CNGB3: variants seen among roughly 807,000 people sequenced by gnomAD.
The protein encoded by CNGB3 is cyclic nucleotide gated channel subunit beta 3, also known as cyclic nucleotide-gated channel beta-3.
A neutral mutation model predicts 92.8 loss-of-function variants in CNGB3; 86 were observed. The ratio of observed to expected loss-of-function variants is 0.93; its 90% CI spans 0.78 to 1.11. The LOEUF is 1.11. Among genes scored for constraint, CNGB3 ranks in the 50% least tolerant of loss-of-function variants. The pLI is 0.00. For synonymous variants in CNGB3, 333 were observed against 332.7 expected, an observed-to-expected ratio of 1.00 and a Z score of -0.01; for missense variants, 1,026 against 956.8, an observed-to-expected ratio of 1.07 and a Z score of -0.95.
At chr8:86,590,368 T>G (rs1822000991) in intron 15 of CNGB3, among the ~76,000 whole-genome samples, 1 of 152,142 alleles carries the variant, frequency 6.6e-6, no homozygotes, top group Admixed American at 6.5e-5. Context: ...ATGTGTGAAT[T>G]TGATCCTGTC....
intron 13 of CNGB3, among the ~76,000 whole-genome samples, chr8:86,619,728 C>CTTTTTTTTTTTTTTTTTTTTTTTTTTT: frequency 1.4e-5 from 1 of 73,408 alleles, no homozygotes; most frequent in Non-Finnish European, 2.4e-5. Flanking sequence ...TGGTCTTGAC[C>CTTTTTTTTTTTTTTTTTTTTTTTTTTT]TTTTTTTTTT....
At chr8:86,648,199 C>T (rs563240386) in intron 7 of CNGB3, among the ~76,000 whole-genome samples, 13 of 151,216 alleles carry the variant, frequency 8.6e-5, no homozygotes, top group South Asian at 6.2e-4. Context: ...TGTTAAAATA[C>T]GTTTTAACAG....
At chr8:86,657,806 G>A (rs772158624) in intron 6 of CNGB3, 1 of 503,206 alleles carries the variant, frequency 2.0e-6, no homozygotes, top group Non-Finnish European at 4.0e-6. Context: ...GGCTGCTGAT[G>A]TATTCCTTCT....
chr8:86,623,967 G>A (rs549203630), intron 13 of CNGB3, among the ~76,000 whole-genome samples: 1 of 152,246 alleles, frequency 6.6e-6, no homozygotes, highest in South Asian at 2.1e-4. Flanking sequence ...CTCTTCCACA[G>A]ATGGTTGTGA....
chr8:86,737,270 G>C (rs939731242), intron 2 of CNGB3, among the ~76,000 whole-genome samples: 2 of 152,218 alleles, frequency 1.3e-5, no homozygotes, highest in African/African-American at 4.8e-5. Flanking sequence ...AGTAGGTAGA[G>C]AGTAGATTGT....
chr8:86,693,239 T>C (rs76226105), intron 3 of CNGB3, among the ~76,000 whole-genome samples: 7,625 of 152,082 alleles, frequency 0.05, 661 homozygotes, highest in African/African-American at 0.17. Context: ...ATTTCCTGGG[T>C]GTTCTTCTAG....
intron 2 of CNGB3, among the ~76,000 whole-genome samples, chr8:86,729,802 C>G (rs1352433274): frequency 6.6e-6 from 1 of 152,248 alleles, no homozygotes; most frequent in Non-Finnish European, 1.5e-5. Flanking sequence ...AAATCTTGCT[C>G]TGGCATCTGG....
chr8:86,658,247 C>T (rs747352829), intron 6 of CNGB3: 68 of 548,736 alleles, frequency 1.2e-4, no homozygotes, highest in Non-Finnish European at 1.9e-4. Flanking sequence ...CCTGCTCCTC[C>T]TCGGCACTGG....
intron 6 of CNGB3, among the ~76,000 whole-genome samples, chr8:86,663,474 A>G (rs1563745947): frequency 6.6e-6 from 1 of 152,228 alleles, no homozygotes; most frequent in Non-Finnish European, 1.5e-5. Flanking sequence ...TTTCTATTGT[A>G]GCTGTTAGCA....
intron 3 of CNGB3, among the ~76,000 whole-genome samples, chr8:86,694,070 G>C (rs1472930944): frequency 1.5e-3 from 3 of 2,002 alleles, no homozygotes; most frequent in Non-Finnish European, 2.6e-3. Flanking sequence ...CTGGCCGGGC[G>C]GGGGGGCTGA....
At chr8:86,698,818 A>G (rs1824497724) in intron 3 of CNGB3, among the ~76,000 whole-genome samples, 1 of 152,182 alleles carries the variant, frequency 6.6e-6, no homozygotes, top group Non-Finnish European at 1.5e-5. Flanking sequence ...AAGGGCCTCT[A>G]AGAGCCAGCA....
intron 11 of CNGB3, among the ~76,000 whole-genome samples, chr8:86,630,538 T>C (rs1449447898): frequency 1.3e-5 from 2 of 152,050 alleles, no homozygotes; most frequent in African/African-American, 4.8e-5. Context: ...TCAGTTTCTG[T>C]GAGTTGCATC....
intron 13 of CNGB3, among the ~76,000 whole-genome samples, chr8:86,619,347 G>A (rs1187655443): frequency 1.3e-5 from 2 of 152,166 alleles, no homozygotes; most frequent in Non-Finnish European, 2.9e-5. Context: ...CCATCTCATA[G>A]AAATGAATCG....
In CNGB3 at chr8:86,576,189, G is replaced by C. The variant is rs1821659166; in HGVS notation, c.2104-59C>G. The C allele has an allele frequency of 1.1e-5, 18 of 1,569,546 alleles. No individual in the cohort carries two copies. The East Asian group carries it at 3.8e-4, about 33-fold the overall frequency. Reference sequence around the variant, plus strand: ...AATCGTAATTAAAAACATTGGATTAGATTTTGATTAGCATGCAATGGCTAA... The same window carrying C: ...AATCGTAATTAAAAACATTGGATTACATTTTGATTAGCATGCAATGGCTAA... On this transcript the variant is annotated intron_variant, in intron 17 of 17. Transcript: ENST00000320005.
intron 3 of CNGB3, among the ~76,000 whole-genome samples, chr8:86,688,259 T>C (rs1824226776): frequency 2.6e-5 from 4 of 152,028 alleles, no homozygotes; most frequent in Admixed American, 1.3e-4. Flanking sequence ...ATTTTGTACA[T>C]TGATCCTTAA....
chr8:86,653,549 C>A (rs1287912609), intron 7 of CNGB3, among the ~76,000 whole-genome samples: 1 of 152,140 alleles, frequency 6.6e-6, no homozygotes, highest in East Asian at 1.9e-4. Flanking sequence ...TAATTATGGG[C>A]AATAAAACGT....
chr8:86,629,437 C>A (rs1393200279), intron 11 of CNGB3, among the ~76,000 whole-genome samples: 2 of 152,130 alleles, frequency 1.3e-5, no homozygotes, highest in South Asian at 2.1e-4. Flanking sequence ...TATTTTACTG[C>A]AGAAATGTTA....
At chr8:86,642,145 A>G (rs1823200888) in intron 10 of CNGB3, among the ~76,000 whole-genome samples, 1 of 151,844 alleles carries the variant, frequency 6.6e-6, no homozygotes, top group Admixed American at 6.6e-5. Context: ...GAAACTCCAC[A>G]GAGAGGCGTC....
At position 86,647,831 on chromosome 8, in the gene CNGB3, A is replaced by T. The variant is rs528278561; in HGVS notation, c.960T>A (p.Asn320Lys). 1 of 1,589,488 alleles carries T rather than the reference A, an allele frequency of 6.3e-7. No homozygotes were observed. The highest frequency in any genetic ancestry group is 1.3e-5 in the African/African-American group (1 of 74,346). Residue 320 changes from asparagine to lysine, a missense_variant, in exon 8 of 18, where the codon AAT (asparagine) becomes AAA (lysine). Transcript: ENST00000320005. Reference sequence around the variant, plus strand: ...ACATCCTATTTGCTCTAAACATTGGATTAAACCCAAAGAAGAGGTAGCAAA... The same window carrying T: ...ACATCCTATTTGCTCTAAACATTGGTTTAAACCCAAAGAAGAGGTAGCAAA... ...FDICYLFFGF[N>K]PMFRANRMLK...
Sources: allele counts gnomAD v4.1 joint callset (sites outside exome capture counted in the v4.1 genomes callset), GRCh38; gene constraint gnomAD v4.1.1; transcripts MANE v1.5; gene names NCBI Gene and HGNC (gene_info 2026-07-23, HGNC 2026-07-21).